ESR2: variants seen among roughly 807,000 people sequenced by gnomAD.
The protein encoded by ESR2 is estrogen receptor beta.
A neutral mutation model predicts 49.6 loss-of-function variants in ESR2; 36 were observed. The ratio of observed to expected loss-of-function variants is 0.73; its 90% CI spans 0.56 to 0.96. ESR2 has a LOEUF of 0.96. Ranked by LOEUF, ESR2 falls within the 40% of genes least tolerant of loss-of-function variation. The pLI, the probability that ESR2 is intolerant of heterozygous loss-of-function variation, is 0.00. For missense variants in ESR2, 714 were observed against 693.0 expected (o/e 1.03, Z -0.34); for synonymous variants, 320 against 266.1 (o/e 1.20, Z -1.97).
At chr14:64,333,122 A>G (rs930209228) in intron 1 of ESR2, among the ~76,000 whole-genome samples, 1 of 151,996 alleles carries the variant, frequency 6.6e-6, no homozygotes, top group African/African-American at 2.4e-5. Context: ...TGATAATCAC[A>G]AGTCTTATAA....
In ESR2 at chr14:64,257,314, A is replaced by G. The variant is rs149090049; in HGVS notation, c.1003T>C (p.Trp335Arg). 4 of 1,613,792 alleles carry G rather than the reference A, an allele frequency of 2.5e-6. No homozygotes were observed. In the African/African-American group the frequency reaches 5.3e-5, roughly 22 times the overall value. The change falls in exon 6 of 9, where the codon TGG becomes CGG. Residue 335 changes from tryptophan to arginine, a missense_variant. Trp to Arg is a moderately radical substitution (Grantham distance 101). Coordinates refer to ENST00000341099, the MANE Select transcript of ESR2 (RefSeq NM_001437.3). ...FDQVRLLESC[W>R]MEVLMMGLMW... ...AGCCCCATCATTAACACCTCCATCC[A>G]ACAGCTCTCCAAGAGCCGCACTTGG...
intron 1 of ESR2, among the ~76,000 whole-genome samples, chr14:64,333,597 C>T (rs2077490301): frequency 6.6e-6 from 1 of 152,158 alleles, no homozygotes; most frequent in South Asian, 2.1e-4. Flanking sequence ...GGAGGCCTCA[C>T]AATCATGGCA....
At chr14:64,281,396 G>C (rs984103859) in intron 2 of ESR2, among the ~76,000 whole-genome samples, 2 of 151,878 alleles carry the variant, frequency 1.3e-5, no homozygotes, top group African/African-American at 4.8e-5. Flanking sequence ...GCAGAACTTT[G>C]ATTATAATTC....
chr14:64,289,875 T>G (rs2076843615), intron 1 of ESR2, among the ~76,000 whole-genome samples: 1 of 152,334 alleles, frequency 6.6e-6, no homozygotes, highest in Admixed American at 6.5e-5. Context: ...TAAGTCCTCA[T>G]CCCTATTCTT....
chr14:64,231,444 T>C lies in ESR2; in HGVS notation c.*1693A>G, dbSNP rs1057302017. Reference sequence around the variant, plus strand: ...TACTAAATCTTACTAAAGCTGTAACTGAGTCTCTAAGAATAACTTCAGACT... The same window carrying C: ...TACTAAATCTTACTAAAGCTGTAACCGAGTCTCTAAGAATAACTTCAGACT... On this transcript the variant is annotated 3_prime_UTR_variant, in exon 9 of 9. Coordinates refer to ENST00000341099, the MANE Select transcript of ESR2 (RefSeq NM_001437.3). 1 of 152,236 alleles carries C rather than the reference T, an allele frequency of 6.6e-6. No homozygotes were observed. Among genetic ancestry groups the C allele is most frequent in the Non-Finnish European group, 1.5e-5 (1 of 68,038 alleles). The allele number at this position is 152,236 out of a possible 1,614,324, so 9.4% of individuals were successfully genotyped here.
intron 1 of ESR2, among the ~76,000 whole-genome samples, chr14:64,312,833 C>T (rs1336734486): frequency 1.3e-5 from 2 of 151,800 alleles, no homozygotes; most frequent in South Asian, 2.1e-4. Flanking sequence ...CACTTGAACC[C>T]GGGAGGCAGA....
chr14:64,300,440 ACTT>A (rs1253320372), intron 1 of ESR2, among the ~76,000 whole-genome samples: 1 of 152,056 alleles, frequency 6.6e-6, no homozygotes, highest in Non-Finnish European at 1.5e-5. Context: ...ATTCTTAACA[ACTT>A]CTTTAGTTAT....
intron 1 of ESR2, among the ~76,000 whole-genome samples, chr14:64,309,765 T>A (rs372857210): frequency 6.6e-6 from 1 of 151,608 alleles, no homozygotes; most frequent in South Asian, 2.1e-4. Flanking sequence ...AGGCCAGGAG[T>A]TCGAGGACAG....
chr14:64,249,810 A>G, intron 6 of ESR2, 131 bp from the exon 7 acceptor site: 1 of 910,050 alleles, frequency 1.1e-6, no homozygotes, highest in South Asian at 1.8e-5. Flanking sequence ...CATTTTAACT[A>G]CAACAGGGTG....
At position 64,254,584 on chromosome 14, in the gene ESR2, T is replaced by TAAA. The variant is rs60183978; in HGVS notation, c.1091+2639_1091+2641dup. 3.0e-3 allele frequency among the ~76,000 whole-genome samples: 399 copies of TAAA among 131,958 alleles called. 3 individuals are homozygous for TAAA. Among genetic ancestry groups the TAAA allele is most frequent in the African/African-American group, 0.01 (370 of 36,816 alleles). The allele number at this position is 131,958 out of a possible 152,430, so 86.6% of individuals were successfully genotyped here. Reference sequence around the variant, plus strand: ...CAACATGGTAAAACCCCGTCTCCACTAAAAAAAAAAAAAAAATACAAAAAT... The same window carrying TAAA: ...CAACATGGTAAAACCCCGTCTCCACTAAAAAAAAAAAAAAAAAAATACAAAAAT... On this transcript the variant is annotated intron_variant, in intron 6 of 8. Coordinates refer to ENST00000341099, the MANE Select transcript of ESR2 (RefSeq NM_001437.3).
chr14:64,236,866 A>G (rs1424265764), intron 7 of ESR2, among the ~76,000 whole-genome samples: 7 of 151,638 alleles, frequency 4.6e-5, no homozygotes, highest in Non-Finnish European at 1.0e-4. Context: ...GTTGCCCCAC[A>G]TGCTGGATGT....
At chr14:64,328,555 T>C (rs566325330) in intron 1 of ESR2, among the ~76,000 whole-genome samples, 61 of 152,356 alleles carry the variant, frequency 4.0e-4, no homozygotes, top group African/African-American at 1.5e-3. Flanking sequence ...GATAATATTA[T>C]AAGGATTAGG....
Position 64,257,245 on chromosome 14 carries a change from G to T in ESR2, c.1072C>A (p.Pro358Thr). The T allele has an allele frequency of 6.2e-7, 1 of 1,614,132 alleles. No individual in the cohort carries two copies. The highest frequency in any genetic ancestry group is 8.5e-7 in the Non-Finnish European group (1 of 1,180,004). The change falls in exon 6 of 9, where the codon CCA becomes ACA. Residue 358 changes from proline to threonine, a missense_variant. Coordinates refer to ENST00000341099, the MANE Select transcript of ESR2 (RefSeq NM_001437.3). ...TCTCACCTGTCCAGAACAAGATCTG[G>T]AGCAAAGATGAGCTTGCCGGGGTGG... ...IDHPGKLIFA[P>T]DLVLDRDEGK...
At chr14:64,305,521 A>G (rs1451749731) in intron 1 of ESR2, among the ~76,000 whole-genome samples, 1 of 151,228 alleles carries the variant, frequency 6.6e-6, no homozygotes, top group African/African-American at 2.4e-5. Context: ...ATACAAAAAA[A>G]TTAGGCGGGC....
intron 7 of ESR2, among the ~76,000 whole-genome samples, chr14:64,244,329 G>A (rs1010755025): frequency 7.2e-5 from 11 of 151,908 alleles, no homozygotes; most frequent in Non-Finnish European, 1.3e-4. Flanking sequence ...GAACCCAGAA[G>A]GTGGAGGTTG....
In ESR2 at chr14:64,243,783, G is replaced by A. The variant is rs76022560; in HGVS notation, c.1225+5763C>T. 3.0e-3 allele frequency among the ~76,000 whole-genome samples: 459 copies of A among 152,220 alleles called. 7 individuals are homozygous for A. Among genetic ancestry groups the A allele is most frequent in the African/African-American group, 0.011 (446 of 41,532 alleles). On this transcript the variant is annotated intron_variant, in intron 7 of 8. Transcript: ENST00000341099. ...CTGTGTGAACTCTAGGGATTGTTTC[G>A]CCCGCTCCTTTCTGATGGTTCTTTC... is the stretch of plus-strand genomic sequence containing the variant.
In ESR2 at chr14:64,230,825, A is replaced by T. The variant is rs1396064819; in HGVS notation, c.*2312T>A. Reference sequence around the variant, plus strand: ...TTGCCAGTTCACTCCCAGGAGTAGAAGTGATCTCTGTCTTAAGATCTACTC... The same window carrying T: ...TTGCCAGTTCACTCCCAGGAGTAGATGTGATCTCTGTCTTAAGATCTACTC... On this transcript the variant is annotated 3_prime_UTR_variant, in exon 9 of 9. Transcript: ENST00000341099. The T allele has an allele frequency of 6.7e-6, 1 of 149,768 alleles. No homozygotes were observed. Among genetic ancestry groups the T allele is most frequent in the African/African-American group, 2.5e-5 (1 of 40,618 alleles). The allele number at this position is 149,768 out of a possible 1,614,324, so 9.3% of individuals were successfully genotyped here.
At chr14:64,331,283 C>A (rs745321074) in intron 1 of ESR2, among the ~76,000 whole-genome samples, 1 of 152,006 alleles carries the variant, frequency 6.6e-6, no homozygotes, top group East Asian at 1.9e-4. Flanking sequence ...GATTTCATAA[C>A]GATAAAAGGG....
At chr14:64,257,612 G>C (rs2076130712) in intron 5 of ESR2, among the ~76,000 whole-genome samples, 1 of 152,156 alleles carries the variant, frequency 6.6e-6, no homozygotes, top group Non-Finnish European at 1.5e-5. Flanking sequence ...CAAGCACTAC[G>C]ACCTCGGCTC....
Sources: allele counts gnomAD v4.1 joint callset (sites outside exome capture counted in the v4.1 genomes callset), GRCh38; gene constraint gnomAD v4.1.1; transcripts MANE v1.5; gene names NCBI Gene and HGNC (gene_info 2026-07-23, HGNC 2026-07-21).